The following SIPA1L2 variants were observed in gnomAD, a reference collection of about 807,000 sequenced individuals.
The protein encoded by SIPA1L2 is signal-induced proliferation-associated 1-like protein 2.
A neutral mutation model predicts 163.9 loss-of-function variants in SIPA1L2; 56 were observed. The ratio of observed to expected loss-of-function variants is 0.34; its 90% CI spans 0.28 to 0.43. SIPA1L2 has a LOEUF of 0.43. Ranked by LOEUF, SIPA1L2 falls within the 20% of genes least tolerant of loss-of-function variation. SIPA1L2 has a pLI of 1.00. For missense variants in SIPA1L2, 1,974 were observed against 2,193.5 expected (o/e 0.90, Z 2.00); for synonymous variants, 877 against 865.7 (o/e 1.01, Z -0.23).
chr1:232,425,259 C>CTT (rs10633026), intron 18 of SIPA1L2, among the ~76,000 whole-genome samples: 22,562 of 147,224 alleles, frequency 0.15, 2,031 homozygotes, highest in Non-Finnish European at 0.21. Flanking sequence ...TCAGTCTTTT[C>CTT]TTTTTTTTTT....
intron 2 of SIPA1L2, among the ~76,000 whole-genome samples, chr1:232,517,492 G>A (rs113588754): frequency 3.8e-4 from 58 of 152,278 alleles, no homozygotes; most frequent in African/African-American, 1.4e-3. Context: ...ACTAATAGAT[G>A]TGCAAAATAA....
At chr1:232,611,158 T>G (rs538354848) in intron 1 of SIPA1L2, among the ~76,000 whole-genome samples, 39 of 152,322 alleles carry the variant, frequency 2.6e-4, no homozygotes, top group African/African-American at 8.7e-4. Context: ...GCCTCTGCCA[T>G]GTAAGAACTG....
intron 16 of SIPA1L2, among the ~76,000 whole-genome samples, chr1:232,431,001 G>A (rs965177905): frequency 3.3e-5 from 5 of 152,130 alleles, no homozygotes; most frequent in African/African-American, 1.2e-4. Flanking sequence ...GAGCATTAGT[G>A]CCATCAAACC....
chr1:232,493,887 G>A (rs1415072407), intron 3 of SIPA1L2, among the ~76,000 whole-genome samples: 1 of 152,144 alleles, frequency 6.6e-6, no homozygotes, highest in African/African-American at 2.4e-5. Context: ...ACTAGTTCAT[G>A]AACAGCAAAA....
intron 19 of SIPA1L2, among the ~76,000 whole-genome samples, chr1:232,411,753 G>A (rs1660969838): frequency 6.6e-6 from 1 of 151,938 alleles, no homozygotes; most frequent in Non-Finnish European, 1.5e-5. Context: ...CCCTCTCTCT[G>A]GGTGTAGTCC....
chr1:232,571,478 G>A (rs1185743427), intron 2 of SIPA1L2, among the ~76,000 whole-genome samples: 1 of 152,212 alleles, frequency 6.6e-6, no homozygotes, highest in Non-Finnish European at 1.5e-5. Context: ...ACATTTCTGT[G>A]TTACCTGAAA....
At chr1:232,582,144 T>G (rs777450883) in intron 1 of SIPA1L2, among the ~76,000 whole-genome samples, 7 of 152,288 alleles carry the variant, frequency 4.6e-5, no homozygotes, top group Admixed American at 2.0e-4. Context: ...ATGTCATGAT[T>G]AATTTCATTC....
chr1:232,624,188 G>GA (rs34134385), intron 1 of SIPA1L2, among the ~76,000 whole-genome samples: 2 of 152,098 alleles, frequency 1.3e-5, no homozygotes, highest in Non-Finnish European at 2.9e-5. Flanking sequence ...GATGCACGTT[G>GA]AAAAAAGTTT....
intron 10 of SIPA1L2, among the ~76,000 whole-genome samples, chr1:232,448,715 C>G (rs1447391513): frequency 6.6e-6 from 1 of 152,246 alleles, no homozygotes; most frequent in South Asian, 2.1e-4. Context: ...GGTGCAGGGA[C>G]GGTAAGCACC....
At chr1:232,424,552 A>G (rs1482411236) in intron 18 of SIPA1L2, among the ~76,000 whole-genome samples, 1 of 152,168 alleles carries the variant, frequency 6.6e-6, no homozygotes, top group Non-Finnish European at 1.5e-5. Flanking sequence ...AAACAGCTGG[A>G]GAAATATTAG....
intron 3 of SIPA1L2, 49 bp downstream of exon 3, chr1:232,513,808 T>TA (rs751791567): frequency 1.0e-4 from 158 of 1,519,100 alleles, no homozygotes; most frequent in Non-Finnish European, 1.3e-4. Flanking sequence ...GACTGGTTCT[T>TA]AAAAAACTAC....
At chr1:232,405,052 A>T (rs1660560898) in intron 19 of SIPA1L2, among the ~76,000 whole-genome samples, 1 of 152,180 alleles carries the variant, frequency 6.6e-6, no homozygotes, top group East Asian at 1.9e-4. Context: ...CAAGCCTCCT[A>T]ATGAGGCTAC....
At chr1:232,409,721 G>C (rs1660839753) in intron 19 of SIPA1L2, among the ~76,000 whole-genome samples, 1 of 152,096 alleles carries the variant, frequency 6.6e-6, no homozygotes, top group Non-Finnish European at 1.5e-5. Flanking sequence ...TCTCCTTAAT[G>C]CTCCAGATCC....
chr1:232,437,595 G>A (rs767743557), intron 15 of SIPA1L2, among the ~76,000 whole-genome samples: 6 of 152,076 alleles, frequency 3.9e-5, no homozygotes, highest in Non-Finnish European at 8.8e-5. Flanking sequence ...CTCTTCTGGG[G>A]CAGTGGCTGT....
Position 232,513,984 on chromosome 1 carries a change from A to G in SIPA1L2, c.1356T>C (p.Asn452=). The part of the protein sequence containing the change: ...FESSLSSHCT[N]AGVSVLEVPR... ...GCACTTCCAAGACGGAGACACCTGCATTTGTGCAGTGAGAGCTGAGTGACG... is the reference window on the plus strand; with the variant it reads ...GCACTTCCAAGACGGAGACACCTGCGTTTGTGCAGTGAGAGCTGAGTGACG... Residue 452 remains asparagine, a synonymous_variant, in exon 3 of 23, where the codon AAT becomes AAC. Transcript: ENST00000674635. The G allele has an allele frequency of 6.2e-7, 1 of 1,614,204 alleles. No individual in the cohort carries two copies. The highest frequency in any genetic ancestry group is 8.5e-7 in the Non-Finnish European group (1 of 1,180,030).
chr1:232,601,711 A>G (rs781172718), intron 1 of SIPA1L2, among the ~76,000 whole-genome samples: 16 of 152,348 alleles, frequency 1.1e-4, no homozygotes, highest in Admixed American at 2.0e-4. Flanking sequence ...ACCAAACGCC[A>G]AAATGTTCAA....
In SIPA1L2 at chr1:232,441,847, G is replaced by A. The variant is rs746173357; in HGVS notation, c.3459C>T (p.Leu1153=). ...GYDGCQSPLL[L]EHQGSGPLEC... Reference sequence around the variant, plus strand: ...CCAAAGGGCCTGAGCCCTGGTGTTCGAGCAGTAGAGGGGACTGGCACCTGA... The same window carrying A: ...CCAAAGGGCCTGAGCCCTGGTGTTCAAGCAGTAGAGGGGACTGGCACCTGA... Residue 1153 remains leucine, a synonymous_variant, in exon 13 of 23, where the codon CTC becomes CTT. Coordinates refer to ENST00000674635, the MANE Select transcript of SIPA1L2 (RefSeq NM_020808.5). 2.5e-5 allele frequency: 40 copies of A among 1,612,726 alleles called. No homozygotes were observed. The South Asian group carries it at 3.3e-4, about 13-fold the overall frequency.
intron 2 of SIPA1L2, among the ~76,000 whole-genome samples, chr1:232,560,798 C>T (rs1339393233): frequency 6.6e-6 from 1 of 152,106 alleles, no homozygotes; most frequent in Non-Finnish European, 1.5e-5. Flanking sequence ...GGTATCACTG[C>T]TGGAAAAACG....
intron 2 of SIPA1L2, among the ~76,000 whole-genome samples, chr1:232,524,370 A>G (rs774909462): frequency 1.3e-5 from 2 of 152,184 alleles, no homozygotes; most frequent in Non-Finnish European, 2.9e-5. Flanking sequence ...CACACACACA[A>G]ACACACTCCC....
Sources: allele counts gnomAD v4.1 joint callset (sites outside exome capture counted in the v4.1 genomes callset), GRCh38; gene constraint gnomAD v4.1.1; transcripts MANE v1.5; gene names NCBI Gene and HGNC (gene_info 2026-07-23, HGNC 2026-07-21).